RABGAP1L: variants seen among roughly 807,000 people sequenced by gnomAD.
RABGAP1L encodes the protein rab GTPase-activating protein 1-like.
RABGAP1L carries 63 observed loss-of-function variants against 137.7 expected under a neutral mutation model. The observed-to-expected ratio is 0.46, with a 90% CI of 0.37 to 0.56. The LOEUF (loss-of-function observed/expected upper bound fraction) is 0.56. Ranked by LOEUF, RABGAP1L falls within the 20% of genes least tolerant of loss-of-function variation. RABGAP1L has a pLI of 0.00. For missense variants in RABGAP1L, 1,095 were observed against 1,244.0 expected (o/e 0.88, Z 1.80); for synonymous variants, 431 against 433.7 (o/e 0.99, Z 0.08).
intron 19 of RABGAP1L, among the ~76,000 whole-genome samples, chr1:174,852,054 A>C (rs373462659): frequency 6.6e-6 from 1 of 152,226 alleles, no homozygotes; most frequent in Admixed American, 6.5e-5. Flanking sequence ...TTAAGTTGCT[A>C]TACACTAGAA....
chr1:174,404,246 A>G (rs1648994543), intron 13 of RABGAP1L, among the ~76,000 whole-genome samples: 1 of 152,216 alleles, frequency 6.6e-6, no homozygotes, highest in Non-Finnish European at 1.5e-5. Flanking sequence ...AAGACTTCAC[A>G]GAGGAGAGAA....
rs200662560 is a variant in RABGAP1L at position 174,441,054 on chromosome 1, T to TTA, written c.1710+46922_1710+46923dup. On this transcript the variant is annotated intron_variant, in intron 13 of 25. Transcript: ENST00000681986. Reference sequence around the variant, plus strand: ...TGATAAATATAAAAGAATAAAAGTATTATATATATATATAAAGAATAAAAC... The same window carrying TTA: ...TGATAAATATAAAAGAATAAAAGTATTATATATATATATATAAAGAATAAAAC... 3.5e-4 allele frequency among the ~76,000 whole-genome samples: 52 copies of TTA among 149,258 alleles called. No homozygotes were observed. In the East Asian group the frequency reaches 5.2e-3, roughly 15 times the overall value.
intron 5 of RABGAP1L, among the ~76,000 whole-genome samples, chr1:174,247,745 C>T (rs1011813936): frequency 9.9e-5 from 15 of 152,136 alleles, no homozygotes; most frequent in Admixed American, 3.9e-4. Context: ...AATTGCATGC[C>T]TAGTCAAACC....
At chr1:174,419,230 G>C (rs1375197402) in intron 13 of RABGAP1L, among the ~76,000 whole-genome samples, 1 of 152,108 alleles carries the variant, frequency 6.6e-6, no homozygotes, top group Non-Finnish European at 1.5e-5. Context: ...AAAGTTTAAT[G>C]TGCATTCAAA....
At chr1:174,637,318 T>A (rs1674139690) in intron 13 of RABGAP1L, 57 bp from the exon 14 acceptor site, 1 of 1,228,462 alleles carries the variant, frequency 8.1e-7, no homozygotes, top group Admixed American at 1.9e-5. Context: ...GTGTATATAT[T>A]ATATTTCATA....
chr1:174,949,100 G>C (rs1195052483), intron 19 of RABGAP1L, among the ~76,000 whole-genome samples: 1 of 152,076 alleles, frequency 6.6e-6, no homozygotes, highest in African/African-American at 2.4e-5. Context: ...TTCTGGGATG[G>C]ACAAACCACA....
chr1:174,245,514 G>A (rs566002455), intron 5 of RABGAP1L: 2 of 151,994 alleles, frequency 1.3e-5, no homozygotes, highest in South Asian at 4.1e-4. Context: ...TCCTGGTAGT[G>A]TGCCTCTTAT....
At chr1:174,188,650 G>C (rs959888308) in intron 1 of RABGAP1L, among the ~76,000 whole-genome samples, 2 of 152,128 alleles carry the variant, frequency 1.3e-5, no homozygotes, top group African/African-American at 4.8e-5. Context: ...TGTTTAGCTT[G>C]GTACTTTGCC....
intron 24 of RABGAP1L, 44 bp from the exon 25 acceptor site, chr1:174,988,597 C>A: frequency 7.1e-7 from 1 of 1,416,676 alleles, no homozygotes; most frequent in Non-Finnish European, 9.3e-7. Flanking sequence ...GTGATTTAGC[C>A]TATGGAATAG....
At chr1:174,577,262 CACAT>C (rs1398396289) in intron 13 of RABGAP1L, among the ~76,000 whole-genome samples, 10 of 114,402 alleles carry the variant, frequency 8.7e-5, no homozygotes, top group African/African-American at 3.3e-4. Flanking sequence ...CACACACACA[CACAT>C]TGAGAGTCAG....
intron 14 of RABGAP1L, among the ~76,000 whole-genome samples, chr1:174,678,465 CA>C (rs538472689): frequency 5.7e-4 from 84 of 148,478 alleles, no homozygotes; most frequent in African/African-American, 1.9e-3. Context: ...CCCCACAAAA[CA>C]AAACAAAAAA....
At chr1:174,842,237 C>T (rs1193702686) in intron 19 of RABGAP1L, among the ~76,000 whole-genome samples, 1 of 152,166 alleles carries the variant, frequency 6.6e-6, no homozygotes, top group South Asian at 2.1e-4. Context: ...TCTTCAGCAT[C>T]TTCTATATCA....
At chr1:174,620,298 C>T (rs926495490) in intron 13 of RABGAP1L, among the ~76,000 whole-genome samples, 25 of 152,208 alleles carry the variant, frequency 1.6e-4, no homozygotes, top group African/African-American at 6.0e-4. Context: ...CAGCCATCTG[C>T]AGAACTCTTC....
rs73030312 is a variant in RABGAP1L at position 174,851,265 on chromosome 1, A to G, written c.2340+39305A>G. Among the ~76,000 whole-genome samples the G allele has an allele frequency of 5.7e-3, 871 of 152,328 alleles. 13 individuals carry two copies. The highest frequency in any genetic ancestry group is 0.02 in the African/African-American group (823 of 41,566). Reference sequence around the variant, plus strand: ...ATGTGGGCTTTCAGAGGCTTTAGAGATGGGAGCCATATTCCCTCCAGTCTG... The same window carrying G: ...ATGTGGGCTTTCAGAGGCTTTAGAGGTGGGAGCCATATTCCCTCCAGTCTG... On this transcript the variant is annotated intron_variant, in intron 19 of 25. Coordinates refer to ENST00000681986, the MANE Select transcript of RABGAP1L (RefSeq NM_001366446.1).
chr1:174,499,887 T>A (rs1481213682), intron 13 of RABGAP1L, among the ~76,000 whole-genome samples: 3 of 152,174 alleles, frequency 2.0e-5, no homozygotes, highest in African/African-American at 7.2e-5. Flanking sequence ...AGTTCATATA[T>A]TATAATGTTA....
At chr1:174,286,447 CCT>C (rs1304195727) in intron 10 of RABGAP1L, among the ~76,000 whole-genome samples, 1 of 151,522 alleles carries the variant, frequency 6.6e-6, no homozygotes, top group Non-Finnish European at 1.5e-5. Context: ...TTATTTGAGT[CCT>C]CTCTCTTTTT....
chr1:174,326,928 A>T (rs2148846287), intron 11 of RABGAP1L, among the ~76,000 whole-genome samples: 2 of 152,314 alleles, frequency 1.3e-5, no homozygotes, highest in South Asian at 4.1e-4. Context: ...CAATCAAACA[A>T]ACGAGAAACC....
chr1:174,945,510 A>G (rs952937685), intron 19 of RABGAP1L: 14 of 152,232 alleles, frequency 9.2e-5, no homozygotes, highest in African/African-American at 3.4e-4. Flanking sequence ...CCACATTGAG[A>G]ATAATCAATA....
chr1:174,798,460 T>C (rs1419380459), intron 18 of RABGAP1L, among the ~76,000 whole-genome samples: 1 of 151,998 alleles, frequency 6.6e-6, no homozygotes, highest in Non-Finnish European at 1.5e-5. Context: ...CAGCAATATA[T>C]AAATATTTCA....
Sources: allele counts gnomAD v4.1 joint callset (sites outside exome capture counted in the v4.1 genomes callset), GRCh38; gene constraint gnomAD v4.1.1; transcripts MANE v1.5; gene names NCBI Gene and HGNC (gene_info 2026-07-23, HGNC 2026-07-21).